Variants in ATP8A2 observed in about 807,000 individuals in gnomAD.
ATP8A2 encodes ATPase phospholipid transporting 8A2, also known as phospholipid-transporting ATPase IB.
Under a neutral mutation model 165.6 loss-of-function variants are expected in ATP8A2, and 100 were observed. That is an observed-to-expected ratio of 0.60 (90% CI 0.51 to 0.71). ATP8A2 has a LOEUF of 0.71. ATP8A2 is among the 30% of genes least tolerant of loss of function. The pLI is 0.00. For missense variants in ATP8A2, 1,227 were observed against 1,479.5 expected, an observed-to-expected ratio of 0.83 and a Z score of 2.80; for synonymous variants, 543 against 548.8, an observed-to-expected ratio of 0.99 and a Z score of 0.15.
chr13:25,647,437 G>A (rs2137607105), intron 24 of ATP8A2, among the ~76,000 whole-genome samples: 1 of 152,244 alleles, frequency 6.6e-6, no homozygotes, highest in African/African-American at 2.4e-5. Context: ...TAGTCTGCTG[G>A]ATTTCTGCTA....
At chr13:25,864,981 C>A (rs1392667508) in intron 33 of ATP8A2, among the ~76,000 whole-genome samples, 10 of 152,188 alleles carry the variant, frequency 6.6e-5, no homozygotes, top group Admixed American at 6.5e-4. Context: ...TTTGTTCATT[C>A]TTTGAAAAAT....
intron 33 of ATP8A2, among the ~76,000 whole-genome samples, chr13:25,889,998 TA>T (rs1449995788): frequency 6.6e-6 from 1 of 151,856 alleles, no homozygotes; most frequent in Admixed American, 6.6e-5. Flanking sequence ...CTGTCTCTAA[TA>T]AAAATACAAA....
chr13:26,013,287 C>A (rs892531261), intron 36 of ATP8A2, among the ~76,000 whole-genome samples: 1 of 152,212 alleles, frequency 6.6e-6, no homozygotes, highest in African/African-American at 2.4e-5. Context: ...CCCTCTCCAC[C>A]CCCATCACGT....
chr13:25,951,811 G>C (rs1419434285), intron 33 of ATP8A2, among the ~76,000 whole-genome samples: 2 of 152,166 alleles, frequency 1.3e-5, no homozygotes, highest in South Asian at 2.1e-4. Flanking sequence ...AAAAAACACT[G>C]ATACCGCCCA....
chr13:25,481,149 AGAGAGGGAGAGGGAGACCGTGGG>A (rs2036183194), intron 2 of ATP8A2, among the ~76,000 whole-genome samples: 1 of 49,064 alleles, frequency 2.0e-5, no homozygotes, highest in Admixed American at 1.7e-4. Flanking sequence ...GACCGTGGAA[AGAGAGGGAGAGGGAGACCGTGGG>A]GAGAGGGAGA....
chr13:25,860,243 A>C lies in ATP8A2; in HGVS notation c.3005A>C (p.Asn1002Thr). The C allele has an allele frequency of 6.2e-7, 1 of 1,610,448 alleles. No individual in the cohort carries two copies. The highest frequency in any genetic ancestry group is 2.2e-5 in the East Asian group (1 of 44,814). ...GHATDYLFVG[N>T]IVYTYVVVTV... ...GCTACCGACTATTTATTTGTTGGAA[A>C]TATTGTTTACACAGTAAGTTTATCT... Residue 1002 changes from asparagine to threonine, a missense_variant, in exon 31 of 37, where the codon AAT (asparagine) becomes ACT (threonine). By Grantham distance (65) the Asn-to-Thr change is moderately conservative (BLOSUM62 0). Around this residue, in one of 5 missense-constraint regions of ATP8A2, gnomAD observed 260 missense variants for 245.1 expected, o/e 1.06. Coordinates refer to ENST00000381655, the MANE Select transcript of ATP8A2 (RefSeq NM_016529.6).
At chr13:25,664,938 C>G (rs2042120405) in intron 24 of ATP8A2, among the ~76,000 whole-genome samples, 1 of 151,950 alleles carries the variant, frequency 6.6e-6, no homozygotes, top group African/African-American at 2.4e-5. Flanking sequence ...TCAAGAAGAT[C>G]TACACTTGGG....
chr13:25,733,597 T>G (rs1265376205), intron 25 of ATP8A2, among the ~76,000 whole-genome samples: 5 of 152,236 alleles, frequency 3.3e-5, no homozygotes, highest in Non-Finnish European at 7.3e-5. Flanking sequence ...TAGTCATTTA[T>G]AATTTATTCT....
intron 1 of ATP8A2, among the ~76,000 whole-genome samples, chr13:25,374,007 C>T (rs1313663367): frequency 2.6e-5 from 4 of 152,186 alleles, no homozygotes; most frequent in Non-Finnish European, 5.9e-5. Flanking sequence ...TTTCATTTTA[C>T]ACGGGCCCCT....
intron 25 of ATP8A2, among the ~76,000 whole-genome samples, chr13:25,706,257 G>C (rs2043053008): frequency 6.6e-6 from 1 of 152,136 alleles, no homozygotes; most frequent in Admixed American, 6.5e-5. Context: ...GTATGTATAT[G>C]TATACATGTA....
intron 30 of ATP8A2, among the ~76,000 whole-genome samples, chr13:25,840,386 C>T (rs531450410): frequency 4.6e-5 from 7 of 152,140 alleles, no homozygotes; most frequent in Non-Finnish European, 7.4e-5. Flanking sequence ...AGTTTCCAAG[C>T]GTCTTTGTTT....
intron 35 of ATP8A2, among the ~76,000 whole-genome samples, chr13:25,988,494 C>CT (rs946233070): frequency 1.3e-5 from 2 of 152,272 alleles, no homozygotes; most frequent in South Asian, 2.1e-4. Context: ...ACACACATTA[C>CT]TTTTTTTCTA....
chr13:25,770,511 C>T (rs1284169699), intron 26 of ATP8A2, among the ~76,000 whole-genome samples: 4 of 152,294 alleles, frequency 2.6e-5, no homozygotes, highest in African/African-American at 4.8e-5. Flanking sequence ...AAAAACTCTG[C>T]TCCCCGAATG....
chr13:25,792,139 T>A (rs941558383), intron 27 of ATP8A2, among the ~76,000 whole-genome samples: 1 of 152,224 alleles, frequency 6.6e-6, no homozygotes, highest in Admixed American at 6.5e-5. Context: ...ACCATCTCCC[T>A]TGAGCTGCAA....
At chr13:25,761,213 C>T (rs2044372126) in intron 25 of ATP8A2, among the ~76,000 whole-genome samples, 1 of 152,188 alleles carries the variant, frequency 6.6e-6, no homozygotes, top group African/African-American at 2.4e-5. Context: ...TACATCTGGG[C>T]TCTTACATTA....
At chr13:25,755,629 G>A (rs552834416) in intron 25 of ATP8A2, among the ~76,000 whole-genome samples, 222 of 152,236 alleles carry the variant, frequency 1.5e-3, no homozygotes, top group African/African-American at 4.7e-3. Context: ...ACCCCAGGCC[G>A]AGCACGGTGG....
intron 35 of ATP8A2, among the ~76,000 whole-genome samples, chr13:25,983,086 G>T (rs576309973): frequency 6.6e-6 from 1 of 152,224 alleles, no homozygotes; most frequent in South Asian, 2.1e-4. Flanking sequence ...TTCTTTTGTA[G>T]CTCTGTTGGA....
intron 27 of ATP8A2, among the ~76,000 whole-genome samples, chr13:25,809,902 G>A (rs1950823631): frequency 6.6e-6 from 1 of 152,044 alleles, no homozygotes; most frequent in African/African-American, 2.4e-5. Flanking sequence ...CAAAACCCTG[G>A]GGCATCGGAG....
chr13:25,875,726 T>TC (rs1952805282), intron 33 of ATP8A2, among the ~76,000 whole-genome samples: 2 of 149,512 alleles, frequency 1.3e-5, no homozygotes, highest in African/African-American at 5.2e-5. Context: ...ATAGGTGATG[T>TC]CTGTGGCATG....
Sources: gnomAD v4.1 joint callset for allele counts (sites outside exome capture counted in the v4.1 genomes callset) on GRCh38, gnomAD v4.1.1 for gene constraint, gnomAD v4.1.1 regional missense constraint, MANE v1.5 for transcripts, NCBI Gene and HGNC (gene_info 2026-07-23, HGNC 2026-07-21) for gene names.